Variants in RBBP8 observed in about 807,000 individuals in gnomAD.
RBBP8 encodes DNA endonuclease RBBP8.
Under a neutral mutation model 108.3 loss-of-function variants are expected in RBBP8, and 88 were observed. That is an observed-to-expected ratio of 0.81 (90% CI 0.68 to 0.97). The LOEUF is 0.97. Ranked by LOEUF, RBBP8 falls within the 50% of genes least tolerant of loss-of-function variation. The probability of loss-of-function intolerance (pLI) is 0.00; values close to 1 mark genes in which losing one functional copy is unlikely to be tolerated. For synonymous variants in RBBP8, 332 were observed against 348.2 expected (o/e 0.95, Z 0.52); for missense variants, 1,023 against 1,049.0 (o/e 0.98, Z 0.34).
At chr18:22,988,829 A>C (rs1236603654) in intron 8 of RBBP8, among the ~76,000 whole-genome samples, 1 of 152,164 alleles carries the variant, frequency 6.6e-6, no homozygotes, top group Non-Finnish European at 1.5e-5. Context: ...AGTGCTGACA[A>C]CCTCTCCTAC....
Position 23,006,452 on chromosome 18 carries a change from T to C in RBBP8, c.2357+20T>C, listed in dbSNP as rs1292436124. 1 of 1,566,818 alleles carries C rather than the reference T, an allele frequency of 6.4e-7. No homozygotes were observed. Among genetic ancestry groups the C allele is most frequent in the African/African-American group, 1.4e-5 (1 of 73,824 alleles). On this transcript the variant is annotated intron_variant, in intron 16 of 18. Coordinates refer to ENST00000327155, the MANE Select transcript of RBBP8 (RefSeq NM_002894.3). ...TGAAAGGTAAGTTGGTTTTTATTTATACCAGCAATGTGACTGGAAGTACAA... is the reference window on the plus strand; with the variant it reads ...TGAAAGGTAAGTTGGTTTTTATTTACACCAGCAATGTGACTGGAAGTACAA...
At chr18:22,946,382 T>C in intron 2 of RBBP8, 62 bp from the exon 3 acceptor site, 1 of 1,597,056 alleles carries the variant, frequency 6.3e-7, no homozygotes. Flanking sequence ...GACTTAATAG[T>C]GGAGCATTTG....
intron 4 of RBBP8, among the ~76,000 whole-genome samples, chr18:22,953,715 T>C (rs1912236956): frequency 6.6e-6 from 1 of 152,102 alleles, no homozygotes; most frequent in Non-Finnish European, 1.5e-5. Flanking sequence ...TAAATTACTT[T>C]CTTTTATGTA....
chr18:22,949,924 C>A, intron 4 of RBBP8: 1 of 494,908 alleles, frequency 2.0e-6, no homozygotes, highest in Non-Finnish European at 3.6e-6. Flanking sequence ...TAAATGATAT[C>A]TTTATCTGGT....
At position 22,990,970 on chromosome 18, in the gene RBBP8, G is replaced by T; in HGVS notation, c.841G>T (p.Glu281Ter). The T allele has an allele frequency of 6.2e-7, 1 of 1,613,738 alleles. No individual in the cohort carries two copies. Among genetic ancestry groups the T allele is most frequent in the South Asian group, 1.1e-5 (1 of 91,058 alleles). The change falls in exon 10 of 19, where the codon GAG (glutamate) becomes TAG (stop). Residue 281 changes from glutamate (E) to a stop codon, truncating the protein, a stop_gained. Transcript: ENST00000327155. LOFTEE classifies it high-confidence loss of function. ...AGGTCCCATGAGCCCCCTTGGTGAT[G>T]AGCTCTACCACTGTCTGGAAGGAAA... Reference protein sequence around the residue: ...TQGPMSPLGDELYHCLEGNHK... With the variant: ...TQGPMSPLGD
In RBBP8 at chr18:23,026,327, T is replaced by G. The variant is rs1376038491; in HGVS notation, c.*87T>G. ...AAGTTGGTACTAAACATTGATTTTTTTGATCTTCTGTAAATGGATTTATAA... is the reference window on the plus strand; with the variant it reads ...AAGTTGGTACTAAACATTGATTTTTGTGATCTTCTGTAAATGGATTTATAA... On this transcript the variant is annotated 3_prime_UTR_variant, in exon 19 of 19. Transcript: ENST00000327155. The G allele has an allele frequency of 3.6e-6, 4 of 1,123,390 alleles. No homozygotes were observed. The highest frequency in any genetic ancestry group is 2.0e-5 in the Admixed American group (1 of 51,144). 69.6% of individuals were successfully genotyped at this position (1,123,390 alleles called of 1,614,324 possible).
At chr18:22,962,309 G>A (rs1346420180) in intron 4 of RBBP8, among the ~76,000 whole-genome samples, 1 of 151,350 alleles carries the variant, frequency 6.6e-6, no homozygotes, top group Non-Finnish European at 1.5e-5. Context: ...TTCTTTAATA[G>A]TCCAGGCACT....
rs780675934 is a variant in RBBP8, at chr18:23,006,317, C to T, written c.2288-46C>T. On this transcript the variant is annotated intron_variant, in intron 15 of 18. Coordinates refer to ENST00000327155, the MANE Select transcript of RBBP8 (RefSeq NM_002894.3). ...TCTTCCAAGCTAGTTAATTATTTCT[C>T]ATTAAGTTCTACATTTAGTTTGTAA... The T allele has an allele frequency of 5.3e-6, 8 of 1,511,388 alleles. No individual in the cohort carries two copies. In the South Asian group the frequency reaches 9.0e-5, roughly 17 times the overall value. 93.6% of individuals were successfully genotyped at this position (1,511,388 alleles called of 1,614,324 possible).
At chr18:22,919,057 T>C (rs1414499804) in intron 3 of RBBP8, among the ~76,000 whole-genome samples, 1 of 152,202 alleles carries the variant, frequency 6.6e-6, no homozygotes, top group East Asian at 1.9e-4. Context: ...GTCCAAAATG[T>C]ATAGAGCACA....
chr18:22,938,652 C>A (rs112595024), intron 2 of RBBP8, among the ~76,000 whole-genome samples: 24 of 152,322 alleles, frequency 1.6e-4, no homozygotes, highest in Admixed American at 1.6e-3. Flanking sequence ...TGACTGAAGA[C>A]CTGCATTTGA....
At chr18:23,011,621 A>G (rs1177439180) in intron 16 of RBBP8, among the ~76,000 whole-genome samples, 1 of 151,622 alleles carries the variant, frequency 6.6e-6, no homozygotes, top group African/African-American at 2.4e-5. Flanking sequence ...GTGTTTTTTT[A>G]GTAGAGATGG....
At chr18:22,975,110 A>C in intron 5 of RBBP8, 43 bp from the exon 6 acceptor site, 2 of 1,555,892 alleles carry the variant, frequency 1.3e-6, no homozygotes, top group Non-Finnish European at 1.8e-6. Flanking sequence ...ATAGATGTTA[A>C]TATAAATATA....
At position 23,001,578 on chromosome 18, in the gene RBBP8, T is replaced by C; in HGVS notation, c.2144-8T>C. 1 of 1,614,138 alleles carries C rather than the reference T, an allele frequency of 6.2e-7. No homozygotes were observed. Among genetic ancestry groups the C allele is most frequent in the Non-Finnish European group, 8.5e-7 (1 of 1,180,006 alleles). On this transcript the variant is annotated splice_polypyrimidine_tract_variant and splice_region_variant and intron_variant, in intron 14 of 18. Transcript: ENST00000327155. Reference sequence around the variant, plus strand: ...CTTATTGCCCTAAGCCAGTGCTCTTTTACATAGATGAAGAAAGAAAAATGA... The same window carrying C: ...CTTATTGCCCTAAGCCAGTGCTCTTCTACATAGATGAAGAAAGAAAAATGA...
At chr18:22,918,273 G>T in intron 3 of RBBP8, among the ~76,000 whole-genome samples, 1 of 152,178 alleles carries the variant, frequency 6.6e-6, no homozygotes, top group East Asian at 1.9e-4. Flanking sequence ...TACATTCTGA[G>T]AAATGAGAAA....
rs72889626 is a variant in RBBP8 at position 23,006,282 on chromosome 18, C to T, written c.2288-81C>T. 0.21 allele frequency: 255,636 copies of T among 1,213,384 alleles called. 30,073 individuals are homozygous for T. The highest frequency in any genetic ancestry group is 0.41 in the East Asian group (17,132 of 41,584). The allele number at this position is 1,213,384 out of a possible 1,614,324, so 75.2% of individuals were successfully genotyped here. ...CCCAATAAAAATGGAAGTTTGAGTG[C>T]GTGTCATTTTCTTCCAAGCTAGTTA... is the stretch of plus-strand genomic sequence containing the variant. On this transcript the variant is annotated intron_variant, in intron 15 of 18. Transcript: ENST00000327155.
At chr18:22,931,405 T>C (rs991076806), upstream of RBBP8, among the ~76,000 whole-genome samples, 5 of 152,300 alleles carry the variant, frequency 3.3e-5, no homozygotes, top group African/African-American at 9.6e-5. Flanking sequence ...TGAAAGGGTT[T>C]AAGCAGCATA....
chr18:22,977,245 A>G (rs573365460), intron 6 of RBBP8, among the ~76,000 whole-genome samples: 1 of 152,138 alleles, frequency 6.6e-6, no homozygotes, highest in East Asian at 1.9e-4. Context: ...ATCATCTTGT[A>G]AAGGCAACCT....
chr18:22,972,333 G>A (rs1261642653), intron 5 of RBBP8, among the ~76,000 whole-genome samples: 25 of 115,576 alleles, frequency 2.2e-4, no homozygotes, highest in Non-Finnish European at 3.2e-4. Flanking sequence ...CAGCCTCGGC[G>A]ACAGAGCGAG....
intron 18 of RBBP8, among the ~76,000 whole-genome samples, chr18:23,025,390 G>A (rs762346146): frequency 5.3e-5 from 8 of 152,230 alleles, no homozygotes; most frequent in Non-Finnish European, 1.2e-4. Flanking sequence ...CTGTAAGATA[G>A]TTTTTCCAAA....
Sources: gnomAD v4.1 joint callset for allele counts (sites outside exome capture counted in the v4.1 genomes callset) on GRCh38, gnomAD v4.1.1 for gene constraint, MANE v1.5 for transcripts, NCBI Gene and HGNC (gene_info 2026-07-23, HGNC 2026-07-21) for gene names.